The following PACSIN3 variants were observed in gnomAD, a reference collection of about 807,000 sequenced individuals.
PACSIN3 encodes protein kinase C and casein kinase substrate in neurons protein 3.
A neutral mutation model predicts 56.1 loss-of-function variants in PACSIN3; 34 were observed. The ratio of observed to expected loss-of-function variants is 0.61; its 90% CI spans 0.46 to 0.81. PACSIN3 has a LOEUF of 0.81. Among genes scored for constraint, PACSIN3 ranks in the 30% least tolerant of loss-of-function variants. The probability of loss-of-function intolerance (pLI) is 0.00; values close to 1 mark genes in which losing one functional copy is unlikely to be tolerated. For synonymous variants in PACSIN3, 218 were observed against 229.8 expected (o/e 0.95, Z 0.46); for missense variants, 535 against 592.4 (o/e 0.90, Z 1.01).
In PACSIN3 at chr11:47,178,586, C is replaced by A. The variant is rs972114722; in HGVS notation, c.1038-99G>T. 2 of 1,462,658 alleles carry A rather than the reference C, an allele frequency of 1.4e-6. No individual in the cohort carries two copies. The highest frequency in any genetic ancestry group is 1.8e-6 in the Non-Finnish European group (2 of 1,086,608). 90.6% of individuals were successfully genotyped at this position (1,462,658 alleles called of 1,614,324 possible). A position where few individuals can be genotyped will look rare whatever the true frequency, so the allele number is the denominator to read the frequency against. ...GCAAAGGCCTCCCTACCCCCAGAGGCACCTGGGAGAGTCAGGTGAGGTACT... is the reference window on the plus strand; with the variant it reads ...GCAAAGGCCTCCCTACCCCCAGAGGAACCTGGGAGAGTCAGGTGAGGTACT... On this transcript the variant is annotated intron_variant, in intron 9 of 10. Coordinates refer to ENST00000298838, the MANE Select transcript of PACSIN3 (RefSeq NM_016223.5). The surrounding 1 kb of genome is among the most constrained non-coding windows in gnomAD (Gnocchi z 4.2).
At chr11:47,182,330 G>A (rs1953041271) in intron 4 of PACSIN3, 73 bp downstream of exon 4, 1 of 1,456,544 alleles carries the variant, frequency 6.9e-7, no homozygotes, top group Non-Finnish European at 9.2e-7. Context: ...CTTCCCACGA[G>A]ACGTGCAAAA....
intron 4 of PACSIN3, among the ~76,000 whole-genome samples, chr11:47,181,855 TAAAC>T (rs1487338445): frequency 2.0e-5 from 3 of 151,226 alleles, no homozygotes; most frequent in East Asian, 1.9e-4. Context: ...AAATAAATAA[TAAAC>T]AAAGGAAAGA....
chr11:47,179,720 C>G lies in PACSIN3; in HGVS notation c.604-134G>C. On this transcript the variant is annotated intron_variant, in intron 6 of 10. Coordinates refer to ENST00000298838, the MANE Select transcript of PACSIN3 (RefSeq NM_016223.5). This position sits in a 1 kb window ranked among gnomAD's most constrained non-coding sequence, Gnocchi z 4.4. ...AGGGGCAATCAGTCCCAAGACCCAG[C>G]TCCTGCCCTCAAGGACCCCAGCAGC... is the stretch of plus-strand genomic sequence containing the variant. 1.3e-6 allele frequency: 1 copy of G among 772,868 alleles called. No homozygotes were observed. Among genetic ancestry groups the G allele is most frequent in the Non-Finnish European group, 2.0e-6 (1 of 492,584 alleles). The allele number at this position is 772,868 out of a possible 1,614,324, so 47.9% of individuals were successfully genotyped here.
Position 47,182,395 on chromosome 11 carries a change from T to C in PACSIN3, c.211+8A>G. 6.3e-7 allele frequency: 1 copy of C among 1,591,052 alleles called. No individual in the cohort carries two copies. The highest frequency in any genetic ancestry group is 2.2e-5 in the East Asian group (1 of 44,564). On this transcript the variant is annotated splice_region_variant and intron_variant, in intron 4 of 10. Coordinates refer to ENST00000298838, the MANE Select transcript of PACSIN3 (RefSeq NM_016223.5). ...CTGCCCTCTGCCCCCTGCGAGGGCC[T>C]GGCTCACCCTTCTCCACGGTCCCCC...
Position 47,179,351 on chromosome 11 carries a change from G to A in PACSIN3, c.779+60C>T, listed in dbSNP as rs752865412. 1.2e-5 allele frequency: 19 copies of A among 1,612,836 alleles called. No homozygotes were observed. The highest frequency in any genetic ancestry group is 1.6e-4 in the Middle Eastern group (1 of 6,082). Reference sequence around the variant, plus strand: ...ATCCCTCAGTCCCAGCCAGGGCCTCGGGGAGATGGAGGAGACCCAGTACTA... The same window carrying A: ...ATCCCTCAGTCCCAGCCAGGGCCTCAGGGAGATGGAGGAGACCCAGTACTA... On this transcript the variant is annotated intron_variant, in intron 7 of 10. Transcript: ENST00000298838. This position sits in a 1 kb window ranked among gnomAD's most constrained non-coding sequence, Gnocchi z 4.4.
At chr11:47,183,561 G>A (rs1054948781) in intron 1 of PACSIN3, among the ~76,000 whole-genome samples, 2 of 152,192 alleles carry the variant, frequency 1.3e-5, no homozygotes, top group Admixed American at 6.5e-5. Flanking sequence ...ACCAAGCAAC[G>A]CACCAGAAAT....
chr11:47,182,755 G>T lies in PACSIN3; in HGVS notation c.-28C>A, dbSNP rs759857440. The T allele has an allele frequency of 1.9e-6, 3 of 1,602,886 alleles. No homozygotes were observed. The Admixed American group carries it at 5.2e-5, about 28-fold the overall frequency. ...TGTCCCCGCAGCACGGAATGGTGGC[G>T]GATTTGGGGCTGTGGAGGGCAGAGG... is the stretch of plus-strand genomic sequence containing the variant. On this transcript the variant is annotated 5_prime_UTR_variant, in exon 3 of 11. Coordinates refer to ENST00000298838, the MANE Select transcript of PACSIN3 (RefSeq NM_016223.5).
rs1175045081 is a variant in PACSIN3, at chr11:47,179,830, A to C, written c.604-244T>G. On this transcript the variant is annotated intron_variant, in intron 6 of 10. Coordinates refer to ENST00000298838, the MANE Select transcript of PACSIN3 (RefSeq NM_016223.5). The surrounding 1 kb of genome is among the most constrained non-coding windows in gnomAD (Gnocchi z 4.4). ...AGGTCAACCTACAGGAAAGGATGGGAGAAATCAGAAAAGGCTTCCTGGAGG... is the reference window on the plus strand; with the variant it reads ...AGGTCAACCTACAGGAAAGGATGGGCGAAATCAGAAAAGGCTTCCTGGAGG... 1 of 566,674 alleles carries C rather than the reference A, an allele frequency of 1.8e-6. No homozygotes were observed. The highest frequency in any genetic ancestry group is 2.9e-5 in the East Asian group (1 of 34,802). The allele number at this position is 566,674 out of a possible 1,614,324, so 35.1% of individuals were successfully genotyped here. A position where few individuals can be genotyped will look rare whatever the true frequency, so the allele number is the denominator to read the frequency against.
chr11:47,179,611 T>C lies in PACSIN3; in HGVS notation c.604-25A>G, dbSNP rs759031295. On this transcript the variant is annotated intron_variant, in intron 6 of 10. Transcript: ENST00000298838. The surrounding 1 kb of genome is among the most constrained non-coding windows in gnomAD (Gnocchi z 4.4). ...TCTGGGTGGGAGAGGAGGGGCCTGGTGAGAACCAGACCTTCTTCCACCCAG... is the reference window on the plus strand; with the variant it reads ...TCTGGGTGGGAGAGGAGGGGCCTGGCGAGAACCAGACCTTCTTCCACCCAG... The C allele has an allele frequency of 1.9e-6, 3 of 1,607,126 alleles. No individual in the cohort carries two copies. The South Asian group carries it at 3.3e-5, about 18-fold the overall frequency.
rs1952975625 is a variant in PACSIN3 at position 47,179,558 on chromosome 11, G to A, written c.632C>T (p.Ala211Val). 6.2e-7 allele frequency: 1 copy of A among 1,613,692 alleles called. No individual in the cohort carries two copies. Among genetic ancestry groups the A allele is most frequent in the Non-Finnish European group, 8.5e-7 (1 of 1,180,018 alleles). The change falls in exon 7 of 11, where the codon GCA becomes GTA. Residue 211 changes from alanine to valine, a missense_variant. By Grantham distance (64) the Ala-to-Val change is moderately conservative. Coordinates refer to ENST00000298838, the MANE Select transcript of PACSIN3 (RefSeq NM_016223.5). This position sits in a 1 kb window ranked among gnomAD's most constrained non-coding sequence, Gnocchi z 4.4. ...KTKAQYEQTLAELHRYTPRYM... is the reference protein window; with the variant it reads ...KTKAQYEQTLVELHRYTPRYM... ...GCGTGGAGTGTAGCGATGCAGCTCT[G>A]CCAGCGTCTGCTCATACTGAGCTTT...
At position 47,178,187 on chromosome 11, in the gene PACSIN3, A is replaced by G. The variant is rs1952926171; in HGVS notation, c.1160-141T>C. On this transcript the variant is annotated intron_variant, in intron 10 of 10. Transcript: ENST00000298838. The surrounding 1 kb of genome is among the most constrained non-coding windows in gnomAD (Gnocchi z 4.2). ...GCTCAGGCAGAGGCAGGTCAAGGTC[A>G]GCAAGCTGCCCCACCCCAGACCCTG... 3.4e-6 allele frequency: 4 copies of G among 1,170,140 alleles called. No homozygotes were observed. In the South Asian group the frequency reaches 5.5e-5, roughly 16 times the overall value. The allele number at this position is 1,170,140 out of a possible 1,614,324, so 72.5% of individuals were successfully genotyped here.
rs1156311337 is a variant in PACSIN3 at position 47,178,745 on chromosome 11, G to A, written c.1037+149C>T. The A allele has an allele frequency of 4.5e-6, 4 of 891,330 alleles. No homozygotes were observed. Among genetic ancestry groups the A allele is most frequent in the Non-Finnish European group, 6.8e-6 (4 of 591,888 alleles). 55.2% of individuals were successfully genotyped at this position (891,330 alleles called of 1,614,324 possible). A position where few individuals can be genotyped will look rare whatever the true frequency, so the allele number is the denominator to read the frequency against. ...CAAATCTAAACCACTATGAGAACCA[G>A]TATCATTACAACTACTAAGTAGGCC... On this transcript the variant is annotated intron_variant, in intron 9 of 10. Coordinates refer to ENST00000298838, the MANE Select transcript of PACSIN3 (RefSeq NM_016223.5). This position sits in a 1 kb window ranked among gnomAD's most constrained non-coding sequence, Gnocchi z 4.2.
chr11:47,184,854 T>G (rs1373125889), intron 1 of PACSIN3, among the ~76,000 whole-genome samples: 1 of 152,074 alleles, frequency 6.6e-6, no homozygotes, highest in African/African-American at 2.4e-5. Flanking sequence ...AGTTCCCTGC[T>G]CCCCAGAGAG....
At chr11:47,183,890 C>T (rs955267923) in intron 1 of PACSIN3, among the ~76,000 whole-genome samples, 3 of 151,988 alleles carry the variant, frequency 2.0e-5, no homozygotes, top group African/African-American at 7.3e-5. Flanking sequence ...GGCGTGGTGG[C>T]GGGAACCTGT....
chr11:47,181,034 G>A lies in PACSIN3; in HGVS notation c.212-344C>T, dbSNP rs550857612. 2.7e-4 allele frequency among the ~76,000 whole-genome samples: 41 copies of A among 152,260 alleles called. No individual in the cohort carries two copies. In the South Asian group the frequency reaches 7.0e-3, roughly 26 times the overall value. On this transcript the variant is annotated intron_variant, in intron 4 of 10. Coordinates refer to ENST00000298838, the MANE Select transcript of PACSIN3 (RefSeq NM_016223.5). ...TCCCAGCACTTTGGGAGGCCAAGGC[G>A]GGTGGATCACAAGGTCAGGAGATCG...
At chr11:47,182,318 A>G in intron 4 of PACSIN3, 85 bp downstream of exon 4, 2 of 1,412,672 alleles carry the variant, frequency 1.4e-6, no homozygotes, top group Non-Finnish European at 9.5e-7. Flanking sequence ...GGAGGCCTCA[A>G]ACTTCCCACG....
At chr11:47,180,893 A>G (rs1253926021) in intron 4 of PACSIN3, among the ~76,000 whole-genome samples, 1 of 152,242 alleles carries the variant, frequency 6.6e-6, no homozygotes, top group African/African-American at 2.4e-5. Context: ...TCGTGAGGAC[A>G]GCGACATTGC....
At chr11:47,180,421 G>T (rs777507568) in intron 5 of PACSIN3, 34 bp downstream of exon 5, 5 of 1,593,126 alleles carry the variant, frequency 3.1e-6, no homozygotes, top group Non-Finnish European at 3.4e-6. Context: ...ACAGGAAGGA[G>T]CCTGTCTCGG....
rs1952911785 is a variant in PACSIN3, at chr11:47,177,820, C to T, written c.*111G>A. On this transcript the variant is annotated 3_prime_UTR_variant, in exon 11 of 11. Coordinates refer to ENST00000298838, the MANE Select transcript of PACSIN3 (RefSeq NM_016223.5). ...TCCCAGGACTTCCTCCCTCAAGGGA[C>T]AGAGGAGCAGCCAGAGAGCGACGGT... is the stretch of plus-strand genomic sequence containing the variant. 4.8e-6 allele frequency: 4 copies of T among 826,008 alleles called. No individual in the cohort carries two copies. In the Admixed American group the frequency reaches 8.5e-5, roughly 18 times the overall value. 51.2% of individuals were successfully genotyped at this position (826,008 alleles called of 1,614,324 possible).
Sources: gnomAD v4.1 joint callset for allele counts (sites outside exome capture counted in the v4.1 genomes callset) on GRCh38, gnomAD v4.1.1 for gene constraint, Gnocchi (gnomAD v3.1) non-coding constraint, MANE v1.5 for transcripts, NCBI Gene and HGNC (gene_info 2026-07-23, HGNC 2026-07-21) for gene names.